EFCAB11: variants seen among roughly 807,000 people sequenced by gnomAD.
EFCAB11 encodes the protein EF-hand calcium binding domain 11.
Under a neutral mutation model 23.0 loss-of-function variants are expected in EFCAB11, and 14 were observed. The observed-to-expected ratio is 0.61, with a 90% CI of 0.40 to 0.95. The LOEUF (loss-of-function observed/expected upper bound fraction) is 0.95. EFCAB11 is among the 40% of genes least tolerant of loss of function. The probability of loss-of-function intolerance (pLI) is 0.00; values close to 1 mark genes in which losing one functional copy is unlikely to be tolerated. For synonymous variants in EFCAB11, 65 were observed against 66.6 expected, an observed-to-expected ratio of 0.98 and a Z score of 0.11; for missense variants, 198 against 195.8, an observed-to-expected ratio of 1.01 and a Z score of -0.07.
chr14:89,894,974 C>T (rs1233247308), intron 5 of EFCAB11, among the ~76,000 whole-genome samples: 2 of 152,148 alleles, frequency 1.3e-5, no homozygotes, highest in East Asian at 3.8e-4. Flanking sequence ...AACTTTATAT[C>T]CAAGCACCTT....
At chr14:89,950,210 C>A in intron 2 of EFCAB11, 68 bp from the exon 3 acceptor site, 3 of 1,456,226 alleles carry the variant, frequency 2.1e-6, no homozygotes, top group South Asian at 1.3e-5. Context: ...GTTCTTAATT[C>A]TTCAGGTGGG....
chr14:89,823,169 AAG>A (rs1335176713), intron 5 of EFCAB11, among the ~76,000 whole-genome samples: 1 of 152,188 alleles, frequency 6.6e-6, no homozygotes, highest in African/African-American at 2.4e-5. Context: ...CTCAAAGCCC[AAG>A]AAGAATATGA....
chr14:89,935,160 A>C (rs1442355418), intron 3 of EFCAB11, among the ~76,000 whole-genome samples: 1 of 152,122 alleles, frequency 6.6e-6, no homozygotes, highest in Non-Finnish European at 1.5e-5. Context: ...CCCTTTGTTC[A>C]TCATGCAATC....
At chr14:89,861,020 C>A (rs535601620) in intron 5 of EFCAB11, among the ~76,000 whole-genome samples, 2 of 152,324 alleles carry the variant, frequency 1.3e-5, no homozygotes, top group Non-Finnish European at 2.9e-5. Context: ...TTCTCCTAAA[C>A]AAAACCAAAC....
intron 2 of EFCAB11, among the ~76,000 whole-genome samples, chr14:89,951,563 A>G (rs1891166937): frequency 6.6e-6 from 1 of 152,132 alleles, no homozygotes; most frequent in African/African-American, 2.4e-5. Flanking sequence ...ATTCATCTTT[A>G]TATCACTAGC....
intron 5 of EFCAB11, chr14:89,848,621 A>G (rs925937006): frequency 2.0e-5 from 3 of 152,238 alleles, no homozygotes; most frequent in Non-Finnish European, 2.9e-5. Flanking sequence ...TGAAAGCAAC[A>G]CTGTGTTAAA....
chr14:89,882,019 GT>G (rs764047115), intron 5 of EFCAB11, among the ~76,000 whole-genome samples: 158 of 152,102 alleles, frequency 1.0e-3, no homozygotes, highest in Non-Finnish European at 2.0e-3. Flanking sequence ...CCAAAAACTG[GT>G]TTGCTCAAGA....
intron 5 of EFCAB11, chr14:89,924,745 G>T: frequency 6.6e-7 from 1 of 1,513,160 alleles, no homozygotes; most frequent in South Asian, 1.2e-5. Flanking sequence ...AGAGGAAAAT[G>T]GAAAGCAAAG....
At chr14:89,862,437 G>A (rs1596407989) in intron 5 of EFCAB11, among the ~76,000 whole-genome samples, 1 of 152,262 alleles carries the variant, frequency 6.6e-6, no homozygotes. Flanking sequence ...GGCACCTGAG[G>A]AGCTGAGGAT....
At chr14:89,949,553 A>G (rs1891093430) in intron 3 of EFCAB11, among the ~76,000 whole-genome samples, 1 of 151,498 alleles carries the variant, frequency 6.6e-6, no homozygotes, top group African/African-American at 2.4e-5. Context: ...TTTAGTAGAG[A>G]CGGTGTTTCA....
intron 5 of EFCAB11, chr14:89,837,136 C>G (rs1439201015): frequency 2.2e-6 from 1 of 455,754 alleles, no homozygotes; most frequent in East Asian, 6.9e-5. Flanking sequence ...TGCTGAAAAT[C>G]CTTAGGCCTC....
intron 3 of EFCAB11, among the ~76,000 whole-genome samples, chr14:89,940,159 GT>G (rs1323954387): frequency 6.6e-6 from 1 of 152,174 alleles, no homozygotes; most frequent in Non-Finnish European, 1.5e-5. Context: ...ACATGGATGG[GT>G]GAATATCTGT....
At chr14:89,809,230 A>C (rs1335501592) in intron 5 of EFCAB11, among the ~76,000 whole-genome samples, 1 of 152,212 alleles carries the variant, frequency 6.6e-6, no homozygotes, top group African/African-American at 2.4e-5. Context: ...AAGAGTCCTC[A>C]GAGGTTTCAG....
chr14:89,930,334 C>A (rs947238486), intron 5 of EFCAB11, among the ~76,000 whole-genome samples: 5 of 152,132 alleles, frequency 3.3e-5, no homozygotes, highest in Non-Finnish European at 7.4e-5. Context: ...TTACTTTTAT[C>A]CCAAATGGGA....
intron 5 of EFCAB11, among the ~76,000 whole-genome samples, chr14:89,881,466 T>TATATATATATATATATATATATATATA (rs10524743): frequency 1.8e-3 from 225 of 121,980 alleles, no homozygotes; most frequent in Non-Finnish European, 2.5e-3. Flanking sequence ...TATATATATA[T>TATATATATATATATATATATATATATA]TCTTTTTTTT....
At chr14:89,828,623 A>G (rs1283280515) in intron 5 of EFCAB11, among the ~76,000 whole-genome samples, 2 of 152,220 alleles carry the variant, frequency 1.3e-5, no homozygotes, top group African/African-American at 4.8e-5. Context: ...AAGCAATGAG[A>G]CCATCAGAAC....
At chr14:89,898,184 C>T (rs919431793) in intron 5 of EFCAB11, among the ~76,000 whole-genome samples, 7 of 152,176 alleles carry the variant, frequency 4.6e-5, no homozygotes, top group Non-Finnish European at 7.3e-5. Context: ...CATTCACCCC[C>T]AACAAGGTGT....
At chr14:89,820,149 G>C (rs1766939615) in intron 5 of EFCAB11, among the ~76,000 whole-genome samples, 1 of 152,134 alleles carries the variant, frequency 6.6e-6, no homozygotes, top group South Asian at 2.1e-4. Context: ...GACTGGAAGA[G>C]GCTATAGAAA....
intron 3 of EFCAB11, among the ~76,000 whole-genome samples, chr14:89,939,654 CTT>C (rs1890721942): frequency 6.6e-6 from 1 of 152,230 alleles, no homozygotes; most frequent in Non-Finnish European, 1.5e-5. Context: ...CTCCTGAACT[CTT>C]ATAGGTTTTC....
Sources: allele counts gnomAD v4.1 joint callset (sites outside exome capture counted in the v4.1 genomes callset), GRCh38; gene constraint gnomAD v4.1.1; transcripts MANE v1.5; gene names NCBI Gene and HGNC (gene_info 2026-07-23, HGNC 2026-07-21).